The following TMEFF2 variants were observed in gnomAD, a reference collection of about 807,000 sequenced individuals.
The protein encoded by TMEFF2 is transmembrane protein with EGF like and two follistatin like domains 2, also known as tomoregulin-2.
Under a neutral mutation model 53.8 loss-of-function variants are expected in TMEFF2, and 28 were observed. That is an observed-to-expected ratio of 0.52 (90% CI 0.39 to 0.71). The LOEUF (loss-of-function observed/expected upper bound fraction) is 0.71. Ranked by LOEUF, TMEFF2 falls within the 30% of genes least tolerant of loss-of-function variation. The probability of loss-of-function intolerance (pLI) is 0.00; values close to 1 mark genes in which losing one functional copy is unlikely to be tolerated. For missense variants in TMEFF2, 353 were observed against 455.2 expected, an observed-to-expected ratio of 0.78 and a Z score of 2.04; for synonymous variants, 162 against 166.3, an observed-to-expected ratio of 0.97 and a Z score of 0.20.
chr2:191,956,239 C>A lies in TMEFF2; in HGVS notation c.869+16G>T, dbSNP rs535108011. On this transcript the variant is annotated intron_variant, in intron 8 of 9. Coordinates refer to ENST00000272771, the MANE Select transcript of TMEFF2 (RefSeq NM_016192.4). The stretch of plus-strand genomic sequence containing the variant: ...TAACTTTATACATTAACTATTCTTG[C>A]GAGTAAAAATGTTACCTGCAAGATG... 3.1e-6 allele frequency: 5 copies of A among 1,597,858 alleles called. No individual in the cohort carries two copies. Among genetic ancestry groups the A allele is most frequent in the East Asian group, 2.2e-5 (1 of 44,692 alleles).
At chr2:192,005,835 T>C (rs549849543) in intron 5 of TMEFF2, among the ~76,000 whole-genome samples, 19 of 152,270 alleles carry the variant, frequency 1.2e-4, no homozygotes, top group Non-Finnish European at 2.2e-4. Context: ...TTTAAGCCCA[T>C]TTACTCATTA....
intron 4 of TMEFF2, among the ~76,000 whole-genome samples, chr2:192,105,934 A>G (rs1393509663): frequency 6.6e-6 from 1 of 151,882 alleles, no homozygotes; most frequent in African/African-American, 2.4e-5. Flanking sequence ...ACTGTTGCCA[A>G]AAGAAATTGG....
chr2:192,120,206 A>G (rs62180400), intron 4 of TMEFF2, among the ~76,000 whole-genome samples: 54,288 of 151,972 alleles, frequency 0.36, 11,088 homozygotes, highest in Non-Finnish European at 0.48. Flanking sequence ...TACTACCCAG[A>G]CCACTACAAC....
intron 4 of TMEFF2, among the ~76,000 whole-genome samples, chr2:192,092,434 G>A (rs1295268836): frequency 6.6e-6 from 1 of 151,976 alleles, no homozygotes; most frequent in Non-Finnish European, 1.5e-5. Context: ...TATAAAAACT[G>A]CCAAAAAAAT....
intron 5 of TMEFF2, among the ~76,000 whole-genome samples, chr2:191,999,443 A>C (rs1297038620): frequency 6.6e-6 from 1 of 152,030 alleles, no homozygotes; most frequent in Non-Finnish European, 1.5e-5. Flanking sequence ...AAAACTCAAA[A>C]ATGATCATCA....
chr2:192,132,236 T>A (rs1689857834), intron 4 of TMEFF2, among the ~76,000 whole-genome samples: 1 of 152,156 alleles, frequency 6.6e-6, no homozygotes, highest in Admixed American at 6.5e-5. Flanking sequence ...CTCCCCCACC[T>A]GCCCAGCAAT....
rs116879278 is a variant in TMEFF2, at chr2:191,979,150, A to G, written c.745+19112T>C. 1.9e-3 allele frequency among the ~76,000 whole-genome samples: 286 copies of G among 152,318 alleles called. 1 individual carries two copies. The East Asian group carries it at 0.029, about 15-fold the overall frequency. On this transcript the variant is annotated intron_variant, in intron 7 of 9. Transcript: ENST00000272771. ...ATATGGGCAATGAAACAAATATGAA[A>G]TAGGAAAGAGGTAAAAATTAAATCT...
intron 7 of TMEFF2, among the ~76,000 whole-genome samples, chr2:191,995,436 G>A (rs1686201058): frequency 1.3e-5 from 2 of 151,976 alleles, no homozygotes; most frequent in African/African-American, 4.8e-5. Flanking sequence ...TGTCTAACAA[G>A]GGAAGTGGCT....
At chr2:192,160,287 G>C (rs1690602804) in intron 4 of TMEFF2, among the ~76,000 whole-genome samples, 1 of 152,046 alleles carries the variant, frequency 6.6e-6, no homozygotes, top group East Asian at 1.9e-4. Context: ...CATTTGGTTT[G>C]GCAGAAATTC....
At chr2:192,131,595 C>T (rs11695976) in intron 4 of TMEFF2, among the ~76,000 whole-genome samples, 128,259 of 151,642 alleles carry the variant, frequency 0.85, 55,106 homozygotes, top group Non-Finnish European at 0.93. Flanking sequence ...CCCTTATTTC[C>T]GTGCCCCAAC....
At chr2:192,050,565 T>C (rs746510114) in intron 5 of TMEFF2, among the ~76,000 whole-genome samples, 2 of 150,950 alleles carry the variant, frequency 1.3e-5, no homozygotes, top group African/African-American at 2.5e-5. Flanking sequence ...TTGTTATTCA[T>C]TTGTCTTCCT....
At chr2:192,061,875 G>A (rs532210351) in intron 4 of TMEFF2, among the ~76,000 whole-genome samples, 8 of 151,936 alleles carry the variant, frequency 5.3e-5, no homozygotes, top group African/African-American at 9.7e-5. Context: ...TCCCCGTCTC[G>A]CCACATGACA....
At chr2:192,082,207 T>C (rs1688570537) in intron 4 of TMEFF2, among the ~76,000 whole-genome samples, 1 of 152,198 alleles carries the variant, frequency 6.6e-6, no homozygotes, top group African/African-American at 2.4e-5. Flanking sequence ...TGCTTAGGAC[T>C]GGAGTTTTTT....
intron 3 of TMEFF2, among the ~76,000 whole-genome samples, chr2:192,181,746 C>T (rs1040846847): frequency 2.0e-5 from 3 of 151,620 alleles, no homozygotes; most frequent in African/African-American, 7.3e-5. Context: ...AGCATTTTAG[C>T]TTGTATTTCC....
chr2:192,062,487 G>T (rs1458812681), intron 4 of TMEFF2, among the ~76,000 whole-genome samples: 1 of 152,074 alleles, frequency 6.6e-6, no homozygotes, highest in Non-Finnish European at 1.5e-5. Context: ...CCTTGTAAAA[G>T]ACTTTGTGTA....
intron 4 of TMEFF2, among the ~76,000 whole-genome samples, chr2:192,141,520 C>A (rs1690139717): frequency 6.7e-6 from 1 of 148,606 alleles, no homozygotes; most frequent in African/African-American, 2.5e-5. Context: ...CTCAAACATG[C>A]ATTTGACTTT....
intron 4 of TMEFF2, among the ~76,000 whole-genome samples, chr2:192,114,001 C>T (rs1191519768): frequency 2.7e-5 from 4 of 150,672 alleles, no homozygotes; most frequent in South Asian, 2.1e-4. Context: ...CAATCAAAAC[C>T]GATATGGGTT....
At chr2:191,974,732 A>G (rs560873463) in intron 7 of TMEFF2, among the ~76,000 whole-genome samples, 1 of 152,278 alleles carries the variant, frequency 6.6e-6, no homozygotes, top group African/African-American at 2.4e-5. Context: ...GCTCTAAAAT[A>G]TCAGGGAAGT....
chr2:192,085,476 C>A (rs560820301), intron 4 of TMEFF2, among the ~76,000 whole-genome samples: 1 of 152,158 alleles, frequency 6.6e-6, no homozygotes, highest in African/African-American at 2.4e-5. Flanking sequence ...TTAAATGAAT[C>A]TGACAGCAGC....
Sources: gnomAD v4.1 joint callset for allele counts (sites outside exome capture counted in the v4.1 genomes callset) on GRCh38, gnomAD v4.1.1 for gene constraint, MANE v1.5 for transcripts, NCBI Gene and HGNC (gene_info 2026-07-23, HGNC 2026-07-21) for gene names.